Variants in KDM1A observed in about 807,000 individuals in gnomAD.
KDM1A encodes lysine demethylase 1A.
KDM1A carries 49 observed loss-of-function variants against 109.4 expected under a neutral mutation model. That is an observed-to-expected ratio of 0.45 (90% CI 0.36 to 0.57). KDM1A has a LOEUF of 0.57. Ranked by LOEUF, KDM1A falls within the 20% of genes least tolerant of loss-of-function variation. KDM1A has a pLI of 0.00. For missense variants in KDM1A, 668 were observed against 1,116.6 expected (o/e 0.60, Z 5.73); for synonymous variants, 380 against 415.4 (o/e 0.91, Z 1.04).
intron 2 of KDM1A, among the ~76,000 whole-genome samples, chr1:23,040,538 C>T (rs1338670274): frequency 6.6e-6 from 1 of 151,494 alleles, no homozygotes; most frequent in African/African-American, 2.4e-5. Flanking sequence ...GGCTCACGCT[C>T]ATAATCCTGT....
chr1:23,031,278 C>T (rs1233938385), intron 2 of KDM1A, among the ~76,000 whole-genome samples: 1 of 152,160 alleles, frequency 6.6e-6, no homozygotes, highest in Admixed American at 6.5e-5. Flanking sequence ...GGGATATCTG[C>T]CTTTCTGTTT....
chr1:23,030,112 C>T (rs1255868698), intron 1 of KDM1A, among the ~76,000 whole-genome samples: 3 of 152,146 alleles, frequency 2.0e-5, no homozygotes, highest in Non-Finnish European at 4.4e-5. Context: ...TTCTAGTTAA[C>T]TATATTTTTG....
chr1:23,082,032 C>T, intron 19 of KDM1A, 188 bp from the exon 20 acceptor site: 4 of 553,088 alleles, frequency 7.2e-6, no homozygotes, highest in South Asian at 5.1e-5. Context: ...GAGGGGCATC[C>T]TTCCTGTCTG....
chr1:23,052,187 G>C (rs1348276563), intron 4 of KDM1A, among the ~76,000 whole-genome samples: 1 of 152,184 alleles, frequency 6.6e-6, no homozygotes, highest in Non-Finnish European at 1.5e-5. Flanking sequence ...TGTTAGATTT[G>C]TGGTCTCTGG....
At position 23,019,661 on chromosome 1, in the gene KDM1A, A is replaced by T; in HGVS notation, c.65A>T (p.Glu22Val). 1 of 1,399,686 alleles carries T rather than the reference A, an allele frequency of 7.1e-7. No homozygotes were observed. Among genetic ancestry groups the T allele is most frequent in the South Asian group, 1.6e-5 (1 of 63,136 alleles). 86.7% of individuals were successfully genotyped at this position (1,399,686 alleles called of 1,614,324 possible). ...AAAAAAATGTEAGPGTAGGSE... is the reference protein window; with the variant it reads ...AAAAAAATGTVAGPGTAGGSE... ...GCTGCAGCGGCAGCAACCGGGACGG[A>T]GGCTGGCCCTGGGACAGCAGGCGGC... is the stretch of plus-strand genomic sequence containing the variant. The change falls in exon 1 of 21, where the codon GAG (glutamate) becomes GTG (valine). Residue 22 changes from glutamate to valine, a missense_variant. Glu to Val is a moderately radical substitution (Grantham distance 121). Transcript: ENST00000400181.
In KDM1A at chr1:23,073,418, T is replaced by C. The variant is rs1248012346; in HGVS notation, c.1734+15T>C. 3 of 1,376,472 alleles carry C rather than the reference T, an allele frequency of 2.2e-6. No individual in the cohort carries two copies. The highest frequency in any genetic ancestry group is 1.4e-5 in the African/African-American group (1 of 70,230). 85.3% of individuals were successfully genotyped at this position (1,376,472 alleles called of 1,614,324 possible). A position where few individuals can be genotyped will look rare whatever the true frequency, so the allele number is the denominator to read the frequency against. On this transcript the variant is annotated intron_variant, in intron 15 of 20. Transcript: ENST00000400181. ...ACTGGGATCAGGTAAGTTTCCCTTA[T>C]TGTTTATTTTATTGCACATGCCTTT...
At chr1:23,077,466 C>T in intron 16 of KDM1A, 106 bp downstream of exon 16, 1 of 1,191,520 alleles carries the variant, frequency 8.4e-7, no homozygotes, top group Non-Finnish European at 1.1e-6. Context: ...GTGTTTATGA[C>T]ACCATAGGTA....
At chr1:23,082,487 C>T (rs1212664051) in intron 20 of KDM1A, 121 bp downstream of exon 20, 1 of 981,728 alleles carries the variant, frequency 1.0e-6, no homozygotes, top group African/African-American at 1.6e-5. Flanking sequence ...TTCAGATAAC[C>T]AAGAGCAGAG....
chr1:23,061,247 A>G (rs1176609203), intron 9 of KDM1A, among the ~76,000 whole-genome samples: 1 of 152,154 alleles, frequency 6.6e-6, no homozygotes, highest in Admixed American at 6.5e-5. Context: ...GTTAATTCAG[A>G]TGGTGACTTT....
At chr1:23,058,770 T>G (rs529125500) in intron 8 of KDM1A, among the ~76,000 whole-genome samples, 2 of 152,298 alleles carry the variant, frequency 1.3e-5, no homozygotes, top group Admixed American at 1.3e-4. Flanking sequence ...CCACAATATA[T>G]TGCTAAGTTG....
chr1:23,073,198 T>C, intron 14 of KDM1A, 94 bp from the exon 15 acceptor site: 2 of 696,158 alleles, frequency 2.9e-6, no homozygotes, highest in South Asian at 3.6e-5. Flanking sequence ...CAGCCCTGGC[T>C]TAGGTTCTGA....
chr1:23,061,560 C>G (rs1643001729), intron 9 of KDM1A, among the ~76,000 whole-genome samples: 1 of 152,058 alleles, frequency 6.6e-6, no homozygotes, highest in Admixed American at 6.6e-5. Context: ...TTATGCTTGC[C>G]TTAGTTAATC....
intron 3 of KDM1A, among the ~76,000 whole-genome samples, chr1:23,049,454 C>T (rs1162636839): frequency 6.6e-6 from 1 of 151,866 alleles, no homozygotes; most frequent in Non-Finnish European, 1.5e-5. Context: ...GAGGTTGAGG[C>T]AGGTGGATCA....
At chr1:23,081,764 G>GC in intron 19 of KDM1A, 191 bp downstream of exon 19, 1 of 599,032 alleles carries the variant, frequency 1.7e-6, no homozygotes, top group Non-Finnish European at 2.8e-6. Context: ...AAGAGCTGGG[G>GC]AGTCTGAAGG....
At chr1:23,065,717 T>TTTGTTG (rs542649884) in intron 9 of KDM1A, among the ~76,000 whole-genome samples, 14 of 151,938 alleles carry the variant, frequency 9.2e-5, no homozygotes, top group South Asian at 4.2e-4. Flanking sequence ...TTTGTTTGAT[T>TTTGTTG]TTGTTGTTGT....
At chr1:23,073,965 A>T (rs1557589703) in intron 15 of KDM1A, among the ~76,000 whole-genome samples, 2 of 152,200 alleles carry the variant, frequency 1.3e-5, no homozygotes, top group East Asian at 1.9e-4. Context: ...AAGAATGTTC[A>T]TGTCTTTCTC....
chr1:23,053,793 G>A lies in KDM1A; in HGVS notation c.744G>A (p.Gln248=), dbSNP rs759831302. 46 of 1,610,934 alleles carry A rather than the reference G, an allele frequency of 2.9e-5. No homozygotes were observed. The Middle Eastern group carries it at 2.5e-3, about 86-fold the overall frequency. ...LQLWLDNPKI[Q]LTFEATLQQL... is the part of the protein sequence containing the mutation. Reference sequence around the variant, plus strand: ...TGTGGTTGGATAATCCAAAGATTCAGCTGACATTTGAGGCTACTCTCCAAC... The same window carrying A: ...TGTGGTTGGATAATCCAAAGATTCAACTGACATTTGAGGCTACTCTCCAAC... Residue 248 remains glutamine (Q), a synonymous_variant, in exon 5 of 21, where the codon CAG becomes CAA. Transcript: ENST00000400181.
intron 1 of KDM1A, among the ~76,000 whole-genome samples, chr1:23,028,561 T>C (rs745524398): frequency 6.6e-6 from 1 of 152,230 alleles, no homozygotes; most frequent in Non-Finnish European, 1.5e-5. Context: ...CATTATTGAA[T>C]GAATAGGATT....
At position 23,044,479 on chromosome 1, in the gene KDM1A, A is replaced by C. The variant is rs1394537274; in HGVS notation, c.570A>C (p.Gln190His). ...DDSSGGYGDG[Q>H]ASGVEGAAFQ... ...GTTCTGGAGGGTATGGAGACGGCCA[A>C]GCATCAGGTGAGGGTGGCATTAGAT... Residue 190 changes from glutamine (Q) to histidine (H), a missense_variant, in exon 3 of 21, where the codon CAA becomes CAC. Around this residue, in one of 8 missense-constraint regions of KDM1A, gnomAD observed 149 missense variants for 189.7 expected, o/e 0.79. Coordinates refer to ENST00000400181, the MANE Select transcript of KDM1A (RefSeq NM_001009999.3). 6.2e-7 allele frequency: 1 copy of C among 1,610,964 alleles called. No individual in the cohort carries two copies. Among genetic ancestry groups the C allele is most frequent in the Non-Finnish European group, 8.5e-7 (1 of 1,179,250 alleles).
Sources: allele counts gnomAD v4.1 joint callset (sites outside exome capture counted in the v4.1 genomes callset), GRCh38; gene constraint gnomAD v4.1.1; regional missense constraint gnomAD v4.1.1; transcripts MANE v1.5; gene names NCBI Gene and HGNC (gene_info 2026-07-23, HGNC 2026-07-21).